VGLL4: variants seen among roughly 807,000 people sequenced by gnomAD.
VGLL4 encodes the protein transcription cofactor vestigial-like protein 4.
A neutral mutation model predicts 21.0 loss-of-function variants in VGLL4; 7 were observed. The observed-to-expected ratio is 0.33, with a 90% CI of 0.19 to 0.63. The LOEUF (loss-of-function observed/expected upper bound fraction) is 0.63. Ranked by LOEUF, VGLL4 falls within the 20% of genes least tolerant of loss-of-function variation. The pLI is 0.78. For synonymous variants in VGLL4, 222 were observed against 173.2 expected, an observed-to-expected ratio of 1.28 and a Z score of -2.21; for missense variants, 394 against 425.7, an observed-to-expected ratio of 0.93 and a Z score of 0.66.
At chr3:11,668,497 C>T (rs1380031089) in intron 2 of VGLL4, among the ~76,000 whole-genome samples, 1 of 152,126 alleles carries the variant, frequency 6.6e-6, no homozygotes. Flanking sequence ...CTGAGTCAGA[C>T]TCTTTGGGGC....
intron 2 of VGLL4, among the ~76,000 whole-genome samples, chr3:11,573,468 C>T (rs1002976076): frequency 6.6e-6 from 1 of 152,152 alleles, no homozygotes; most frequent in Non-Finnish European, 1.5e-5. Flanking sequence ...GACATTCTCT[C>T]AGGTCAGTAT....
At chr3:11,716,347 C>T (rs2076919622) in intron 1 of VGLL4, among the ~76,000 whole-genome samples, 2 of 148,452 alleles carry the variant, frequency 1.3e-5, no homozygotes, top group Admixed American at 6.7e-5. Context: ...AAACATGTTA[C>T]TAAATAGACT....
At chr3:11,593,897 A>AACCCTAACCCT (rs2074568712) in intron 2 of VGLL4, among the ~76,000 whole-genome samples, 1 of 152,218 alleles carries the variant, frequency 6.6e-6, no homozygotes, top group East Asian at 1.9e-4. Flanking sequence ...GGTCTGTGGC[A>AACCCTAACCCT]AACACAGCTG....
At chr3:11,691,511 T>C (rs2076526287) in intron 2 of VGLL4, among the ~76,000 whole-genome samples, 2 of 152,180 alleles carry the variant, frequency 1.3e-5, no homozygotes, top group Non-Finnish European at 2.9e-5. Context: ...CCATCATGGC[T>C]GATTTCAAGC....
At chr3:11,605,919 T>A (rs189021892) in intron 1 of VGLL4, among the ~76,000 whole-genome samples, 4 of 152,226 alleles carry the variant, frequency 2.6e-5, no homozygotes, top group African/African-American at 9.6e-5. Flanking sequence ...AGGATCTAAA[T>A]AGGCATTTCC....
rs746283007 is a variant in VGLL4 at position 11,702,985 on chromosome 3, G to T, written c.50C>A (p.Ala17Asp). 1.9e-5 allele frequency: 31 copies of T among 1,612,072 alleles called. No individual in the cohort carries two copies. In the African/African-American group the frequency reaches 3.9e-4, roughly 20 times the overall value. The change falls in exon 2 of 6, where the codon GCT becomes GAT. Residue 17 changes from alanine (A) to aspartate (D), a missense_variant. Physicochemically the swap from Ala to Asp is moderately radical, Grantham distance 126. Coordinates refer to the VGLL4 transcript ENST00000273038. Reference sequence around the variant, plus strand: ...TCCTCACTTACGTTTTTCGTCATCAGCATGCACCAGAGATGCTGCCCTGGA... The same window carrying T: ...TCCTCACTTACGTTTTTCGTCATCATCATGCACCAGAGATGCTGCCCTGGA...
At position 11,650,614 on chromosome 3, in the gene VGLL4, C is replaced by A. The variant is rs57296295; in HGVS notation, c.65-48592G>T. Reference sequence around the variant, plus strand: ...CCTACTGCGCTATCTGTTTCCCCTACTGGGTTCCGCTGTGCTCTTCCTCCC... The same window carrying A: ...CCTACTGCGCTATCTGTTTCCCCTAATGGGTTCCGCTGTGCTCTTCCTCCC... On this transcript the variant is annotated intron_variant, in intron 2 of 5. Transcript: ENST00000273038. Among the ~76,000 whole-genome samples the A allele has an allele frequency of 2.0e-3, 300 of 152,300 alleles. 1 individual carries two copies. Among genetic ancestry groups the A allele is most frequent in the African/African-American group, 6.9e-3 (288 of 41,568 alleles).
intron 1 of VGLL4, among the ~76,000 whole-genome samples, chr3:11,638,973 T>C (rs894439597): frequency 6.6e-6 from 1 of 152,192 alleles, no homozygotes; most frequent in Non-Finnish European, 1.5e-5. Context: ...AATGAACCGT[T>C]CTAAAGCTTG....
upstream of VGLL4, among the ~76,000 whole-genome samples, chr3:11,646,737 C>T (rs923937776): frequency 6.6e-6 from 1 of 152,108 alleles, no homozygotes; most frequent in Non-Finnish European, 1.5e-5. Context: ...TCTCAGCCTC[C>T]GGGTGGCAAC....
In VGLL4 at chr3:11,643,753, TC is replaced by T. The variant is rs1193805233; in HGVS notation, c.-236del. The T allele has an allele frequency of 2.4e-6, 3 of 1,256,880 alleles. No individual in the cohort carries two copies. In the African/African-American group the frequency reaches 4.6e-5, roughly 19 times the overall value. 77.9% of individuals were successfully genotyped at this position (1,256,880 alleles called of 1,614,324 possible). On this transcript the variant is annotated 5_prime_UTR_variant, in exon 1 of 5. Coordinates refer to ENST00000430365, the MANE Select transcript of VGLL4 (RefSeq NM_001128219.3). ...ACTGGTAGACGGTGTATGTACTGTATCCCCGATCGAGTATGAAAACAGCGTT... is the reference window on the plus strand; with the variant it reads ...ACTGGTAGACGGTGTATGTACTGTATCCCGATCGAGTATGAAAACAGCGTT...
At position 11,601,912 on chromosome 3, in the gene VGLL4, T is replaced by C. The variant is rs762116536; in HGVS notation, c.193A>G (p.Ser65Gly). 2 of 1,613,884 alleles carry C rather than the reference T, an allele frequency of 1.2e-6. No individual in the cohort carries two copies. Among genetic ancestry groups the C allele is most frequent in the Admixed American group, 3.3e-5 (2 of 59,968 alleles). Reference protein sequence around the residue: ...PPISPSKRKFSMEPGDEDLDC... With the variant: ...PPISPSKRKFGMEPGDEDLDC... ...AGGTCCTCGTCACCTGGCTCCATGC[T>C]GAACTTCCTCTTGCTGGGGCTGATT... The change falls in exon 2 of 5, where the codon AGC (serine) becomes GGC (glycine). Residue 65 changes from serine to glycine, a missense_variant. Physicochemically the swap from Ser to Gly is moderately conservative, Grantham distance 56. Transcript: ENST00000430365.
At chr3:11,591,992 C>A (rs927237094) in intron 2 of VGLL4, among the ~76,000 whole-genome samples, 1 of 152,232 alleles carries the variant, frequency 6.6e-6, no homozygotes, top group Non-Finnish European at 1.5e-5. Context: ...CCTCTTAAAT[C>A]CCCAGAATGC....
chr3:11,616,005 G>A (rs1192258773), intron 1 of VGLL4, among the ~76,000 whole-genome samples: 2 of 152,046 alleles, frequency 1.3e-5, no homozygotes, highest in Admixed American at 1.3e-4. Context: ...GTCTTCGAAC[G>A]TGGCCACCCT....
In VGLL4 at chr3:11,671,486, A is replaced by C. The variant is rs73012805; in HGVS notation, c.64+31485T>G. The C allele has an allele frequency of 4.0e-3, 2,647 of 665,712 alleles. 8 individuals are homozygous for C. The highest frequency in any genetic ancestry group is 6.1e-3 in the Non-Finnish European group (2,230 of 363,498). 41.2% of individuals were successfully genotyped at this position (665,712 alleles called of 1,614,324 possible). On this transcript the variant is annotated intron_variant, in intron 2 of 5. Coordinates refer to the VGLL4 transcript ENST00000273038. ...TGGTCCCAGGACCCCCAGGTGTACA[A>C]AAATCCATGCATACTCAAGTTTCGC...
At chr3:11,705,947 A>C (rs1259719122) in intron 1 of VGLL4, among the ~76,000 whole-genome samples, 1 of 151,458 alleles carries the variant, frequency 6.6e-6, no homozygotes, top group East Asian at 1.9e-4. Flanking sequence ...AGATCTTGTG[A>C]TTTGGGGTAG....
chr3:11,637,057 A>T (rs756653035), intron 1 of VGLL4, among the ~76,000 whole-genome samples: 1 of 85,010 alleles, frequency 1.2e-5, no homozygotes, highest in East Asian at 3.6e-4. Context: ...TATACAGGGT[A>T]AAAAAAAAAA....
At chr3:11,604,341 A>C in intron 1 of VGLL4, 1 of 938,684 alleles carries the variant, frequency 1.1e-6, no homozygotes, top group Non-Finnish European at 1.3e-6. Flanking sequence ...CCTCCAGTTA[A>C]CAGGTTAGCT....
intron 1 of VGLL4, among the ~76,000 whole-genome samples, chr3:11,708,400 G>A (rs1273209463): frequency 1.3e-5 from 2 of 152,202 alleles, no homozygotes; most frequent in African/African-American, 4.8e-5. Context: ...GGGAAAAGGT[G>A]GGAGACAGCA....
intron 1 of VGLL4, chr3:11,710,318 C>T (rs1317407644): frequency 1.3e-5 from 2 of 152,176 alleles, no homozygotes; most frequent in African/African-American, 4.8e-5. Context: ...AGCAATGGAA[C>T]ACAACTCCAA....
Sources: gnomAD v4.1 joint callset for allele counts (sites outside exome capture counted in the v4.1 genomes callset) on GRCh38, gnomAD v4.1.1 for gene constraint, MANE v1.5 for transcripts, NCBI Gene and HGNC (gene_info 2026-07-23, HGNC 2026-07-21) for gene names.